The following ADPRHL1 variants were observed in gnomAD, a reference collection of about 807,000 sequenced individuals.
ADPRHL1 encodes the protein inactive ADP-ribosyltransferase ARH2.
In ADPRHL1, 43 loss-of-function variants were observed where a neutral mutation model predicts 44.1. The ratio of observed to expected loss-of-function variants is 0.98; its 90% CI spans 0.76 to 1.26. ADPRHL1 has a LOEUF of 1.26. ADPRHL1 is among the 50% of genes most tolerant of loss of function. The pLI, the probability that ADPRHL1 is intolerant of heterozygous loss-of-function variation, is 0.00. For missense variants in ADPRHL1, 2,022 were observed against 2,496.9 expected, an observed-to-expected ratio of 0.81 and a Z score of 4.05; for synonymous variants, 878 against 1,017.4, an observed-to-expected ratio of 0.86 and a Z score of 2.61.
intron 7 of ADPRHL1, among the ~76,000 whole-genome samples, chr13:113,419,983 G>C (rs2043907219): frequency 6.6e-6 from 1 of 152,098 alleles, no homozygotes; most frequent in African/African-American, 2.4e-5. Flanking sequence ...TCTCACACAG[G>C]CACACAGCTC....
In ADPRHL1 at chr13:113,403,334, C is replaced by A. The variant is rs774414860; in HGVS notation, c.*44G>T. On this transcript the variant is annotated 3_prime_UTR_variant, in exon 8 of 8. Transcript: ENST00000612156. ...AAAATGCCTGAAGTCCCTCAATGGG[C>A]GGATGTCACAGTGCTGGGCGAGCCA... is the stretch of plus-strand genomic sequence containing the variant. 231 of 1,230,340 alleles carry A rather than the reference C, an allele frequency of 1.9e-4. No individual in the cohort carries two copies. The highest frequency in any genetic ancestry group is 2.2e-4 in the Non-Finnish European group (219 of 986,712). 76.2% of individuals were successfully genotyped at this position (1,230,340 alleles called of 1,614,324 possible).
intron 1 of ADPRHL1, among the ~76,000 whole-genome samples, chr13:113,446,930 TA>T (rs2044143233): frequency 6.7e-6 from 1 of 148,884 alleles, no homozygotes; most frequent in African/African-American, 2.5e-5. Flanking sequence ...ATGCAAGTTG[TA>T]TGTGCATGGT....
In ADPRHL1 at chr13:113,403,931, G is replaced by A; in HGVS notation, c.5351C>T (p.Thr1784Ile). Residue 1784 changes from threonine (T) to isoleucine (I), a missense_variant, in exon 8 of 8, where the codon ACC becomes ATC. By Grantham distance (89) the Thr-to-Ile change is moderately conservative. Around this residue, in one of 8 missense-constraint regions of ADPRHL1, gnomAD observed 205 missense variants for 250.1 expected, o/e 0.82. Transcript: ENST00000612156. The stretch of plus-strand genomic sequence containing the variant: ...GGTCTGCCTCTGAGTCTCTATCTGG[G>A]TCTGCTCCCAGCCCTGATCCCGAGC... ...DRARDQGWEQTQIETQRQTQK... is the reference protein window; with the variant it reads ...DRARDQGWEQIQIETQRQTQK... The A allele has an allele frequency of 7.7e-7, 1 of 1,292,780 alleles. No individual in the cohort carries two copies. Among genetic ancestry groups the A allele is most frequent in the Non-Finnish European group, 9.7e-7 (1 of 1,028,998 alleles). The allele number at this position is 1,292,780 out of a possible 1,614,324, so 80.1% of individuals were successfully genotyped here.
At chr13:113,410,409 T>C (rs902733596) in intron 7 of ADPRHL1, among the ~76,000 whole-genome samples, 2 of 152,132 alleles carry the variant, frequency 1.3e-5, no homozygotes, top group Admixed American at 1.3e-4. Context: ...AGGCCGCTGG[T>C]CCGGGGACCC....
In ADPRHL1 at chr13:113,405,034, T is replaced by C; in HGVS notation, c.4248A>G (p.Thr1416=). The part of the protein sequence containing the change: ...VVLNPAKEPQ[T]WWAQDLAGDK... ...CCCCGGCCAGATCCTGTGCCCACCA[T>C]GTCTGAGGCTCTTTTGCTGGGTTCA... The change falls in exon 8 of 8, where the codon ACA becomes ACG. Residue 1416 remains threonine, a synonymous_variant. Coordinates refer to ENST00000612156, the MANE Select transcript of ADPRHL1 (RefSeq NM_001394807.1). 6.5e-6 allele frequency: 8 copies of C among 1,232,702 alleles called. No homozygotes were observed. The highest frequency in any genetic ancestry group is 4.1e-5 in the South Asian group (1 of 24,456). The allele number at this position is 1,232,702 out of a possible 1,614,324, so 76.4% of individuals were successfully genotyped here. A position where few individuals can be genotyped will look rare whatever the true frequency, so the allele number is the denominator to read the frequency against.
Position 113,404,148 on chromosome 13 carries a change from C to A in ADPRHL1, c.5134G>T (p.Ala1712Ser). Residue 1712 changes from alanine to serine, a missense_variant, in exon 8 of 8, where the codon GCT becomes TCT. Coordinates refer to ENST00000612156, the MANE Select transcript of ADPRHL1 (RefSeq NM_001394807.1). ...GCCCCTTTCTGGGCCTGTTCCCGAG[C>A]CCGCTCCTGAGCCCCTTTCTGGGCC... ...EQAQKGAQER[A>S]REQAQKGAQE... 1.2e-6 allele frequency: 1 copy of A among 863,670 alleles called. No homozygotes were observed. Among genetic ancestry groups the A allele is most frequent in the African/African-American group, 2.9e-5 (1 of 34,196 alleles). The allele number at this position is 863,670 out of a possible 1,614,324, so 53.5% of individuals were successfully genotyped here.
rs894934077 is a variant in ADPRHL1 at position 113,405,562 on chromosome 13, T to G, written c.3720A>C (p.Ala1240=). 6 of 1,232,024 alleles carry G rather than the reference T, an allele frequency of 4.9e-6. No individual in the cohort carries two copies. In the African/African-American group the frequency reaches 9.3e-5, roughly 19 times the overall value. 76.3% of individuals were successfully genotyped at this position (1,232,024 alleles called of 1,614,324 possible). The change falls in exon 8 of 8, where the codon GCA becomes GCC. Residue 1240 remains alanine (A), a synonymous_variant. Coordinates refer to ENST00000612156, the MANE Select transcript of ADPRHL1 (RefSeq NM_001394807.1). The part of the protein sequence containing the change: ...SNTSAASRHT[A]AVGGRKDVAV... ...CCACATCCTTTCTGCCTCCTACAGCTGCTGTATGTCTGCTGGCTGCTGATG... is the reference window on the plus strand; with the variant it reads ...CCACATCCTTTCTGCCTCCTACAGCGGCTGTATGTCTGCTGGCTGCTGATG...
chr13:113,405,724 T>C lies in ADPRHL1; in HGVS notation c.3558A>G (p.Gly1186=). The C allele has an allele frequency of 8.1e-7, 1 of 1,231,826 alleles. No individual in the cohort carries two copies. Among genetic ancestry groups the C allele is most frequent in the Non-Finnish European group, 1.0e-6 (1 of 988,046 alleles). 76.3% of individuals were successfully genotyped at this position (1,231,826 alleles called of 1,614,324 possible). Residue 1186 remains glycine, a synonymous_variant, in exon 8 of 8, where the codon GGA becomes GGG. Transcript: ENST00000612156. ...APGGSLEPKS[G]AAGRSLLRGV... is the part of the protein sequence containing the mutation. The stretch of plus-strand genomic sequence containing the variant: ...CTCTCAGGAGGCTCCTCCCTGCTGC[T>C]CCACTCTTGGGCTCCAAGGATCCCC...
intron 7 of ADPRHL1, among the ~76,000 whole-genome samples, chr13:113,411,763 C>T (rs370171081): frequency 1.1e-3 from 174 of 152,342 alleles, no homozygotes; most frequent in African/African-American, 3.8e-3. Context: ...CGGAGGCGTC[C>T]GCGGTTCAGG....
chr13:113,425,737 G>T (rs1218571628), intron 4 of ADPRHL1, among the ~76,000 whole-genome samples: 1 of 146,218 alleles, frequency 6.8e-6, no homozygotes, highest in Non-Finnish European at 1.5e-5. Flanking sequence ...CTGGAGTGCA[G>T]TGGCACCATC....
Position 113,407,939 on chromosome 13 carries a change from G to A in ADPRHL1, c.1343C>T (p.Thr448Ile), listed in dbSNP as rs1283972834. 8.1e-7 allele frequency: 1 copy of A among 1,231,876 alleles called. No homozygotes were observed. Among genetic ancestry groups the A allele is most frequent in the Non-Finnish European group, 1.0e-6 (1 of 987,968 alleles). The allele number at this position is 1,231,876 out of a possible 1,614,324, so 76.3% of individuals were successfully genotyped here. A position where few individuals can be genotyped will look rare whatever the true frequency, so the allele number is the denominator to read the frequency against. Residue 448 changes from threonine (T) to isoleucine (I), a missense_variant, in exon 8 of 8, where the codon ACC (threonine) becomes ATC (isoleucine). Coordinates refer to ENST00000612156, the MANE Select transcript of ADPRHL1 (RefSeq NM_001394807.1). ...GGAGATCAGCCGGCCCACCTCCCTG[G>A]TCCTCTTGAGGTAGCGCTCCCGGCC... is the stretch of plus-strand genomic sequence containing the variant. ...GTGRERYLKRTREVGRLISKD... is the reference protein window; with the variant it reads ...GTGRERYLKRIREVGRLISKD...
At chr13:113,433,675 G>T (rs1314498721) in intron 3 of ADPRHL1, 67 bp downstream of exon 3, 1 of 1,490,560 alleles carries the variant, frequency 6.7e-7, no homozygotes, top group African/African-American at 1.4e-5. Context: ...CTTAACCTGT[G>T]AGGTGGTTGT....
chr13:113,407,837 G>A lies in ADPRHL1; in HGVS notation c.1445C>T (p.Ala482Val). The A allele has an allele frequency of 3.2e-6, 4 of 1,231,960 alleles. No individual in the cohort carries two copies. The highest frequency in any genetic ancestry group is 1.0e-6 in the Non-Finnish European group (1 of 987,992). 76.3% of individuals were successfully genotyped at this position (1,231,960 alleles called of 1,614,324 possible). A position where few individuals can be genotyped will look rare whatever the true frequency, so the allele number is the denominator to read the frequency against. The change falls in exon 8 of 8, where the codon GCC becomes GTC. Residue 482 changes from alanine (A) to valine (V), a missense_variant. By Grantham distance (64) the Ala-to-Val change is moderately conservative (BLOSUM62 0). This residue lies in a region of ADPRHL1 where 1,221 missense variants were observed against 1,517.8 expected (regional missense o/e 0.80). Transcript: ENST00000612156. ...CTTCTCGCTGAGGCAGGGCTTTGGG[G>A]CCGGCTCCTTGGTCTTCTCCAGGAG... Reference protein sequence around the residue: ...NKLLEKTKEPAPKPCLSEKPR... With the variant: ...NKLLEKTKEPVPKPCLSEKPR...
intron 7 of ADPRHL1, among the ~76,000 whole-genome samples, chr13:113,411,497 C>T (rs778082120): frequency 1.3e-5 from 2 of 152,216 alleles, no homozygotes; most frequent in South Asian, 4.1e-4. Flanking sequence ...ATGAGGTCAG[C>T]GTGTCATCAA....
At position 113,444,547 on chromosome 13, in the gene ADPRHL1, C is replaced by T; in HGVS notation, c.257G>A (p.Cys86Tyr). ...LDDLYREMVR[C>Y]YVEIVEKLPE... ...AAGCTTCTCAACGATTTCCACATAG[C>T]ATCTCACCATCTCCCGGTACAGATC... Residue 86 changes from cysteine (C) to tyrosine (Y), a missense_variant, in exon 2 of 8, where the codon TGC becomes TAC. Physicochemically the swap from Cys to Tyr is radical, Grantham distance 194. Around this residue, in one of 8 missense-constraint regions of ADPRHL1, gnomAD observed 437 missense variants for 430.7 expected, o/e 1.01. Coordinates refer to ENST00000612156, the MANE Select transcript of ADPRHL1 (RefSeq NM_001394807.1). 1.9e-6 allele frequency: 3 copies of T among 1,614,216 alleles called. No individual in the cohort carries two copies. The highest frequency in any genetic ancestry group is 2.5e-6 in the Non-Finnish European group (3 of 1,180,040).
rs2043836211 is a variant in ADPRHL1, at chr13:113,409,586, T to G, written c.1062-1366A>C. 3 of 985,368 alleles carry G rather than the reference T, an allele frequency of 3.0e-6. No homozygotes were observed. The South Asian group carries it at 1.4e-4, about 46-fold the overall frequency. 61.0% of individuals were successfully genotyped at this position (985,368 alleles called of 1,614,324 possible). A position where few individuals can be genotyped will look rare whatever the true frequency, so the allele number is the denominator to read the frequency against. On this transcript the variant is annotated intron_variant, in intron 7 of 7. Coordinates refer to ENST00000612156, the MANE Select transcript of ADPRHL1 (RefSeq NM_001394807.1). This position sits in a 1 kb window ranked among gnomAD's most constrained non-coding sequence, Gnocchi z 4.2. ...AGTGAAAAGCTCACTCTAACCCGAT[T>G]GTTTTTAAGAAGCTGAGGCCGGGCG...
Position 113,425,134 on chromosome 13 carries a change from T to C in ADPRHL1, c.692A>G (p.Tyr231Cys). The C allele has an allele frequency of 2.5e-6, 4 of 1,612,896 alleles. No homozygotes were observed. The highest frequency in any genetic ancestry group is 3.4e-6 in the Non-Finnish European group (4 of 1,179,740). The change falls in exon 5 of 8, where the codon TAT becomes TGT. Residue 231 changes from tyrosine to cysteine, a missense_variant. This residue lies in a region of ADPRHL1 where 437 missense variants were observed against 430.7 expected (regional missense o/e 1.01). Transcript: ENST00000612156. ...WFYFEAKWQF[Y>C]LEERKISKDS... ...TTTACTGATTTTCCTCTCCTCCAAATAAAATTGCCATTTAGCTTCAAAGTA... is the reference window on the plus strand; with the variant it reads ...TTTACTGATTTTCCTCTCCTCCAAACAAAATTGCCATTTAGCTTCAAAGTA...
At chr13:113,451,606 G>A (rs1227086312) in intron 1 of ADPRHL1, among the ~76,000 whole-genome samples, 3 of 152,110 alleles carry the variant, frequency 2.0e-5, no homozygotes, top group Non-Finnish European at 4.4e-5. Context: ...TCAGGAGTTC[G>A]AGACCAGCCT....
At chr13:113,415,658 G>C (rs972242210) in intron 7 of ADPRHL1, among the ~76,000 whole-genome samples, 2 of 149,144 alleles carry the variant, frequency 1.3e-5, no homozygotes, top group African/African-American at 5.0e-5. Flanking sequence ...GGCTAAGGCA[G>C]GAGAATCACT....
Sources: allele counts gnomAD v4.1 joint callset (sites outside exome capture counted in the v4.1 genomes callset), GRCh38; gene constraint gnomAD v4.1.1; regional missense constraint gnomAD v4.1.1; non-coding constraint Gnocchi (gnomAD v3.1); transcripts MANE v1.5; gene names NCBI Gene and HGNC (gene_info 2026-07-23, HGNC 2026-07-21).